PRIM2: variants seen among roughly 807,000 people sequenced by gnomAD.
PRIM2 encodes DNA primase large subunit.
In PRIM2, 39 loss-of-function variants were observed where a neutral mutation model predicts 67.3. The ratio of observed to expected loss-of-function variants is 0.58; its 90% CI spans 0.45 to 0.76. PRIM2 has a LOEUF of 0.76. Among genes scored for constraint, PRIM2 ranks in the 30% least tolerant of loss-of-function variants. The probability of loss-of-function intolerance (pLI) is 0.00; values close to 1 mark genes in which losing one functional copy is unlikely to be tolerated. For missense variants in PRIM2, 398 were observed against 598.7 expected (o/e 0.66, Z 3.50); for synonymous variants, 143 against 198.7 (o/e 0.72, Z 2.36).
intron 7 of PRIM2, among the ~76,000 whole-genome samples, chr6:57,470,196 A>G (rs1348407822): frequency 5.9e-5 from 9 of 151,656 alleles, no homozygotes; most frequent in African/African-American, 1.5e-4. Flanking sequence ...TTTCCCCCCA[A>G]TCTCTTCAAT....
intron 10 of PRIM2, among the ~76,000 whole-genome samples, chr6:57,588,030 T>C (rs1776225861): frequency 6.6e-6 from 1 of 152,172 alleles, no homozygotes; most frequent in Non-Finnish European, 1.5e-5. Context: ...ATACCTTAGA[T>C]AATTTTAATA....
At chr6:57,585,239 T>C (rs1776168301) in intron 10 of PRIM2, among the ~76,000 whole-genome samples, 2 of 152,242 alleles carry the variant, frequency 1.3e-5, no homozygotes, top group Non-Finnish European at 2.9e-5. Context: ...CAAGATAGCT[T>C]TTCCTAGTTA....
intron 8 of PRIM2, among the ~76,000 whole-genome samples, chr6:57,508,024 C>T (rs1774285378): frequency 6.6e-6 from 1 of 152,172 alleles, no homozygotes; most frequent in South Asian, 2.1e-4. Context: ...GCAACCTCTG[C>T]CTCCCAGATT....
intron 10 of PRIM2, among the ~76,000 whole-genome samples, chr6:57,541,537 G>A (rs1581979433): frequency 6.6e-6 from 1 of 152,162 alleles, no homozygotes; most frequent in East Asian, 1.9e-4. Context: ...CAACAGTAGG[G>A]TTTTAGTTGT....
At chr6:57,250,383 C>T in the PRIM2 span, among the ~76,000 whole-genome samples, 1 of 152,104 alleles carries the variant, frequency 6.6e-6, no homozygotes, top group South Asian at 2.1e-4. Context: ...AACATGACCA[C>T]TATCCTCATG....
chr6:57,281,197 C>A, the PRIM2 span, among the ~76,000 whole-genome samples: 1 of 152,174 alleles, frequency 6.6e-6, no homozygotes, highest in Non-Finnish European at 1.5e-5. Flanking sequence ...ATCTATTCAT[C>A]CATTGATGAG....
At chr6:57,503,007 T>C (rs1226718587) in intron 7 of PRIM2, among the ~76,000 whole-genome samples, 2 of 152,188 alleles carry the variant, frequency 1.3e-5, no homozygotes, top group African/African-American at 4.8e-5. Context: ...CAATTAGAAA[T>C]ACAAGACCAA....
Position 57,358,076 on chromosome 6 carries a change from C to G in PRIM2, c.460-21825C>G, listed in dbSNP as rs555333466. Among the ~76,000 whole-genome samples the G allele has an allele frequency of 3.8e-3, 586 of 152,312 alleles. 2 individuals carry two copies. Among genetic ancestry groups the G allele is most frequent in the African/African-American group, 0.013 (553 of 41,564 alleles). On this transcript the variant is annotated intron_variant, in intron 5 of 13. Transcript: ENST00000615550. ...AGTAAATAAATGAAGTAGCTACCTA[C>G]AGTTGTTCCCCAGAAGATACATTAC...
Position 57,573,830 on chromosome 6 carries a change from C to T in PRIM2, c.1021-27263C>T, listed in dbSNP as rs1376994379. On this transcript the variant is annotated intron_variant, in intron 10 of 13. Transcript: ENST00000615550. ...TCCTTACACACATATATAGAGTTTC[C>T]GCGTAGTTGGTGCTAGAGACAAGTT... Among the ~76,000 whole-genome samples, 35 of 152,218 alleles carry T rather than the reference C, an allele frequency of 2.3e-4. No individual in the cohort carries two copies. The East Asian group carries it at 4.0e-3, about 18-fold the overall frequency.
chr6:57,557,543 C>T (rs1775538855), intron 10 of PRIM2, among the ~76,000 whole-genome samples: 1 of 152,020 alleles, frequency 6.6e-6, no homozygotes, highest in African/African-American at 2.4e-5. Flanking sequence ...TGCACATTCT[C>T]ATTTATAAGT....
At chr6:57,280,504 G>A in the PRIM2 span, among the ~76,000 whole-genome samples, 1 of 151,830 alleles carries the variant, frequency 6.6e-6, no homozygotes, top group South Asian at 2.1e-4. Context: ...TGTTAACCAA[G>A]TACTTTCTTT....
intron 5 of PRIM2, among the ~76,000 whole-genome samples, chr6:57,336,116 A>T (rs186183696): frequency 0.01 from 1,577 of 152,354 alleles, 15 homozygotes; most frequent in Non-Finnish European, 0.018. Context: ...TCAGCAATGG[A>T]AGATGAAATG....
In PRIM2 at chr6:57,324,215, T is replaced by G; in HGVS notation, c.273T>G (p.Asp91Glu). ...TTATTTTTAAGGAAAACTTAGAAGA[T>G]GAATATGAACCACGAAGAAGAGATC... ...LKFSYRENLE[D>E]EYEPRRRDHI... is the part of the protein sequence containing the mutation. Residue 91 changes from aspartate to glutamate, a missense_variant, in exon 4 of 14, where the codon GAT (aspartate) becomes GAG (glutamate). Coordinates refer to ENST00000615550, the MANE Select transcript of PRIM2 (RefSeq NM_000947.5). 6.3e-7 allele frequency: 1 copy of G among 1,595,974 alleles called. No individual in the cohort carries two copies. The highest frequency in any genetic ancestry group is 1.1e-5 in the South Asian group (1 of 89,674).
At chr6:57,565,721 TG>T (rs1775722997) in intron 10 of PRIM2, among the ~76,000 whole-genome samples, 1 of 152,174 alleles carries the variant, frequency 6.6e-6, no homozygotes, top group Non-Finnish European at 1.5e-5. Flanking sequence ...GCTAAATATC[TG>T]GGCACGCTGT....
chr6:57,324,263 G>T lies in PRIM2; in HGVS notation c.321G>T (p.Arg107=), dbSNP rs984216763. 10 of 1,601,006 alleles carry T rather than the reference G, an allele frequency of 6.2e-6. No homozygotes were observed. The African/African-American group carries it at 1.2e-4, about 19-fold the overall frequency. The change falls in exon 4 of 14, where the codon CGG becomes CGT. Residue 107 remains arginine (R), a synonymous_variant. Transcript: ENST00000615550. ...RRDHISHFIL[R]LAYCQSEELR... ...ATCATATTTCTCATTTTATTTTGCGGCTTGCTTATTGCCAGTCGTAAGTAT... is the reference window on the plus strand; with the variant it reads ...ATCATATTTCTCATTTTATTTTGCGTCTTGCTTATTGCCAGTCGTAAGTAT...
At chr6:57,533,921 A>G (rs1774943972) in intron 9 of PRIM2, among the ~76,000 whole-genome samples, 1 of 152,202 alleles carries the variant, frequency 6.6e-6, no homozygotes, top group African/African-American at 2.4e-5. Flanking sequence ...GTTAAGTGCT[A>G]TGATGATGAT....
At chr6:57,290,923 A>G in the PRIM2 span, among the ~76,000 whole-genome samples, 2 of 152,182 alleles carry the variant, frequency 1.3e-5, no homozygotes, top group Non-Finnish European at 2.9e-5. Context: ...GGACACCCTA[A>G]CATCATAATT....
At chr6:57,330,869 T>C (rs1264567121) in intron 5 of PRIM2, among the ~76,000 whole-genome samples, 1 of 152,124 alleles carries the variant, frequency 6.6e-6, no homozygotes, top group Admixed American at 6.6e-5. Flanking sequence ...GATGATCATG[T>C]GGTTTCTGTC....
chr6:57,512,825 G>A (rs1554347838), intron 8 of PRIM2, among the ~76,000 whole-genome samples: 5 of 152,130 alleles, frequency 3.3e-5, no homozygotes, highest in African/African-American at 4.8e-5. Flanking sequence ...TCTAACTCCA[G>A]ACCTCAGGTG....
Sources: allele counts gnomAD v4.1 joint callset (sites outside exome capture counted in the v4.1 genomes callset), GRCh38; gene constraint gnomAD v4.1.1; transcripts MANE v1.5; gene names NCBI Gene and HGNC (gene_info 2026-07-23, HGNC 2026-07-21).